SAXO1: variants seen among roughly 807,000 people sequenced by gnomAD.
SAXO1 encodes stabilizer of axonemal microtubules 1, also known as 4930500O09Rik.
SAXO1 carries 21 observed loss-of-function variants against 17.5 expected under a neutral mutation model. The ratio of observed to expected loss-of-function variants is 1.20; its 90% CI spans 0.85 to 1.72. SAXO1 has a LOEUF of 1.72. SAXO1 is among the 40% of genes most tolerant of loss of function. SAXO1 has a pLI of 0.00. For missense variants in SAXO1, 843 were observed against 596.0 expected (o/e 1.41, Z -4.32); for synonymous variants, 274 against 216.5 (o/e 1.27, Z -2.33).
chr9:18,945,845 G>C (rs2131714325), intron 2 of SAXO1, among the ~76,000 whole-genome samples: 1 of 152,316 alleles, frequency 6.6e-6, no homozygotes, highest in Admixed American at 6.5e-5. Context: ...AAATGGCACT[G>C]TGTGAGGCTT....
chr9:18,983,918 C>T (rs1833493548), intron 1 of SAXO1, among the ~76,000 whole-genome samples: 2 of 152,200 alleles, frequency 1.3e-5, no homozygotes, highest in South Asian at 4.1e-4. Context: ...TAACCACATT[C>T]TATGGCAGCT....
intron 3 of SAXO1, among the ~76,000 whole-genome samples, chr9:18,934,057 A>G (rs554547025): frequency 8.7e-4 from 132 of 152,214 alleles, no homozygotes; most frequent in African/African-American, 2.4e-3. Flanking sequence ...AAAAATAATA[A>G]TAATAATAAT....
chr9:19,028,438 A>G (rs1835609294), intron 1 of SAXO1, among the ~76,000 whole-genome samples: 1 of 152,224 alleles, frequency 6.6e-6, no homozygotes, highest in South Asian at 2.1e-4. Flanking sequence ...AATGCTGGAG[A>G]TAATCAGATG....
At chr9:18,956,905 T>C (rs961656061) in intron 1 of SAXO1, among the ~76,000 whole-genome samples, 3 of 152,230 alleles carry the variant, frequency 2.0e-5, no homozygotes, top group Admixed American at 6.5e-5. Context: ...ACCAGTGCTA[T>C]GAAGATGTTA....
At chr9:19,002,141 T>C (rs1563973966) in intron 1 of SAXO1, among the ~76,000 whole-genome samples, 1 of 152,050 alleles carries the variant, frequency 6.6e-6, no homozygotes, top group Non-Finnish European at 1.5e-5. Flanking sequence ...AACTATAAAG[T>C]CTGGAAGAAA....
At chr9:18,987,520 G>C (rs1225998756) in intron 1 of SAXO1, among the ~76,000 whole-genome samples, 1 of 152,304 alleles carries the variant, frequency 6.6e-6, no homozygotes, top group East Asian at 1.9e-4. Flanking sequence ...TCCTCAGGTA[G>C]TCCACCCGCT....
chr9:19,009,181 A>C (rs1834617238), intron 1 of SAXO1, among the ~76,000 whole-genome samples: 1 of 152,170 alleles, frequency 6.6e-6, no homozygotes. Context: ...GATTGGGCTA[A>C]AACTATTTTC....
intron 2 of SAXO1, among the ~76,000 whole-genome samples, chr9:18,943,639 G>A (rs1350253706): frequency 6.6e-6 from 1 of 152,170 alleles, no homozygotes; most frequent in African/African-American, 2.4e-5. Context: ...CTCTCAGAAG[G>A]GATGGACAGG....
intron 1 of SAXO1, among the ~76,000 whole-genome samples, chr9:19,011,853 T>TTTTG (rs1554680255): frequency 2.0e-5 from 3 of 150,152 alleles, no homozygotes; most frequent in East Asian, 3.9e-4. Context: ...GCATAGATTT[T>TTTTG]TTTTTTTTTT....
At chr9:19,005,465 T>C (rs190054227) in intron 1 of SAXO1, among the ~76,000 whole-genome samples, 1 of 152,202 alleles carries the variant, frequency 6.6e-6, no homozygotes. Context: ...AGCCCAGAAA[T>C]AAACCCTCAC....
intron 2 of SAXO1, among the ~76,000 whole-genome samples, chr9:18,948,989 G>C (rs1831914232): frequency 6.6e-6 from 1 of 152,112 alleles, no homozygotes; most frequent in Non-Finnish European, 1.5e-5. Flanking sequence ...ATGTGCCTAG[G>C]ACTCTTACTT....
intron 1 of SAXO1, among the ~76,000 whole-genome samples, chr9:18,995,850 T>C (rs190738759): frequency 6.6e-6 from 1 of 152,200 alleles, no homozygotes; most frequent in Admixed American, 6.5e-5. Flanking sequence ...GAGGCCACAT[T>C]GGGAGGATCA....
At chr9:19,027,400 G>A in intron 1 of SAXO1, 1 of 760,212 alleles carries the variant, frequency 1.3e-6, no homozygotes, top group South Asian at 1.4e-5. Context: ...GCAATACAGT[G>A]ACACTGGGGG....
chr9:19,023,522 G>A (rs904024012), intron 1 of SAXO1, among the ~76,000 whole-genome samples: 4 of 152,100 alleles, frequency 2.6e-5, no homozygotes, highest in African/African-American at 9.7e-5. Flanking sequence ...CACAGTTAGG[G>A]AGCAGAAAGG....
chr9:19,004,287 G>C (rs1834402752), intron 1 of SAXO1, among the ~76,000 whole-genome samples: 1 of 152,196 alleles, frequency 6.6e-6, no homozygotes, highest in Non-Finnish European at 1.5e-5. Context: ...CTGTTGGTGG[G>C]AATGTAAATT....
chr9:18,991,428 A>T (rs922146041), intron 1 of SAXO1, among the ~76,000 whole-genome samples: 9 of 152,330 alleles, frequency 5.9e-5, no homozygotes, highest in African/African-American at 1.9e-4. Flanking sequence ...GACATGGATG[A>T]AGCTGGAAAC....
At chr9:19,011,662 G>T (rs11789049) in intron 1 of SAXO1, among the ~76,000 whole-genome samples, 2 of 152,038 alleles carry the variant, frequency 1.3e-5, no homozygotes, top group African/African-American at 4.8e-5. Flanking sequence ...ATGGAATATG[G>T]CTATGTTATT....
intron 1 of SAXO1, among the ~76,000 whole-genome samples, chr9:18,999,119 T>C (rs532821159): frequency 6.6e-6 from 1 of 152,336 alleles, no homozygotes; most frequent in African/African-American, 2.4e-5. Flanking sequence ...GAACCTTAAA[T>C]GTAAATGGGC....
intron 1 of SAXO1, chr9:19,027,037 A>G (rs1355081119): frequency 1.2e-6 from 1 of 837,010 alleles, no homozygotes; most frequent in Non-Finnish European, 2.1e-6. Context: ...GTCACCCATG[A>G]GCTCCAAGCC....
Sources: gnomAD v4.1 joint callset for allele counts (sites outside exome capture counted in the v4.1 genomes callset) on GRCh38, gnomAD v4.1.1 for gene constraint, MANE v1.5 for transcripts, NCBI Gene and HGNC (gene_info 2026-07-23, HGNC 2026-07-21) for gene names.